Variants in SORT1 observed in about 807,000 individuals in gnomAD.
SORT1 encodes sortilin.
SORT1 carries 39 observed loss-of-function variants against 101.7 expected under a neutral mutation model. The ratio of observed to expected loss-of-function variants is 0.38; its 90% CI spans 0.30 to 0.50. SORT1 has a LOEUF of 0.50. SORT1 is among the 20% of genes least tolerant of loss of function. The probability of loss-of-function intolerance (pLI) is 0.90; values close to 1 mark genes in which losing one functional copy is unlikely to be tolerated. For missense variants in SORT1, 878 were observed against 1,040.4 expected (o/e 0.84, Z 2.15); for synonymous variants, 396 against 393.7 (o/e 1.01, Z -0.07).
At chr1:109,374,164 A>G (rs112522051) in intron 1 of SORT1, among the ~76,000 whole-genome samples, 199 of 152,342 alleles carry the variant, frequency 1.3e-3, no homozygotes, top group African/African-American at 4.5e-3. Context: ...AAATCAAACT[A>G]ACTCAGAAAT....
At chr1:109,318,340 G>C (rs939417202) in intron 15 of SORT1, among the ~76,000 whole-genome samples, 11 of 152,088 alleles carry the variant, frequency 7.2e-5, no homozygotes, top group African/African-American at 2.7e-4. Context: ...TTAGTAGAGA[G>C]AGCGTTTCAC....
chr1:109,382,629 C>T (rs1652313635), intron 1 of SORT1, among the ~76,000 whole-genome samples: 1 of 152,110 alleles, frequency 6.6e-6, no homozygotes, highest in South Asian at 2.1e-4. Context: ...AGCCTTTTGT[C>T]CATTACCTAT....
chr1:109,361,346 C>T (rs1307391121), intron 3 of SORT1, among the ~76,000 whole-genome samples: 1 of 152,216 alleles, frequency 6.6e-6, no homozygotes, highest in Non-Finnish European at 1.5e-5. Context: ...TTTTTCTCTA[C>T]TGTCCAACAA....
Position 109,397,859 on chromosome 1 carries a change from AGAG to A in SORT1, c.31_33del (p.Leu11del). 7.8e-7 allele frequency: 1 copy of A among 1,281,902 alleles called. No individual in the cohort carries two copies. Among genetic ancestry groups the A allele is most frequent in the Non-Finnish European group, 1.0e-6 (1 of 1,003,840 alleles). The allele number at this position is 1,281,902 out of a possible 1,614,324, so 79.4% of individuals were successfully genotyped here. On this transcript the variant is annotated inframe_deletion, in exon 1 of 20. Coordinates refer to ENST00000256637, the MANE Select transcript of SORT1 (RefSeq NM_002959.7). The stretch of plus-strand genomic sequence containing the variant: ...AGGCCGAGGCCATGGGGCCAGCGCG[AGAG>A]GCCGTCCGCAGCTCCCCAGGGCCGC...
chr1:109,392,363 A>G (rs1652967016), intron 1 of SORT1, among the ~76,000 whole-genome samples: 1 of 152,228 alleles, frequency 6.6e-6, no homozygotes, highest in East Asian at 1.9e-4. Flanking sequence ...CAGAGTGCAG[A>G]AGAAACTGCT....
intron 5 of SORT1, among the ~76,000 whole-genome samples, chr1:109,353,585 G>A (rs968272931): frequency 5.3e-5 from 8 of 152,046 alleles, no homozygotes; most frequent in African/African-American, 1.9e-4. Context: ...CAGCTGGGGA[G>A]CCTGCTAAAA....
At chr1:109,356,156 G>A (rs950756722) in intron 3 of SORT1, among the ~76,000 whole-genome samples, 2 of 152,340 alleles carry the variant, frequency 1.3e-5, no homozygotes, top group East Asian at 1.9e-4. Flanking sequence ...ACAGGCATGA[G>A]CCACTGTGCC....
intron 1 of SORT1, among the ~76,000 whole-genome samples, chr1:109,378,836 T>A (rs1316987039): frequency 6.8e-6 from 1 of 146,840 alleles, no homozygotes; most frequent in African/African-American, 2.5e-5. Flanking sequence ...ATGTTTTGTT[T>A]CTGGTAAACA....
intron 8 of SORT1, 81 bp downstream of exon 8, chr1:109,345,670 C>T: frequency 7.5e-7 from 1 of 1,334,308 alleles, no homozygotes; most frequent in Non-Finnish European, 1.0e-6. Context: ...GAAACTCTGT[C>T]AATGCCAAGT....
intron 11 of SORT1, among the ~76,000 whole-genome samples, chr1:109,331,893 A>G (rs1047020307): frequency 6.6e-6 from 1 of 151,820 alleles, no homozygotes; most frequent in African/African-American, 2.4e-5. Flanking sequence ...CAAACTATCC[A>G]AAAAAGAAAT....
intron 1 of SORT1, among the ~76,000 whole-genome samples, chr1:109,387,053 G>A (rs1652611259): frequency 6.6e-6 from 1 of 152,186 alleles, no homozygotes; most frequent in African/African-American, 2.4e-5. Flanking sequence ...CACTTTGGGA[G>A]GCTGAGGCAG....
At position 109,345,741 on chromosome 1, in the gene SORT1, CA is replaced by C; in HGVS notation, c.963+9del. On this transcript the variant is annotated intron_variant, in intron 8 of 19. Transcript: ENST00000256637. Reference sequence around the variant, plus strand: ...ATATCAGACCCCAAAGGGGAGAGGGCAATACCTACCTTATCAGCCATCACAG... The same window carrying C: ...ATATCAGACCCCAAAGGGGAGAGGGCATACCTACCTTATCAGCCATCACAG... 1 of 1,610,588 alleles carries C rather than the reference CA, an allele frequency of 6.2e-7. No homozygotes were observed. Among genetic ancestry groups the C allele is most frequent in the Non-Finnish European group, 8.5e-7 (1 of 1,178,626 alleles).
chr1:109,333,544 A>G (rs1648599144), intron 11 of SORT1, among the ~76,000 whole-genome samples: 1 of 152,184 alleles, frequency 6.6e-6, no homozygotes, highest in African/African-American at 2.4e-5. Context: ...ATCCAAACAA[A>G]TCAGTAGCAA....
At chr1:109,323,547 AAG>A (rs1647782006) in intron 14 of SORT1, among the ~76,000 whole-genome samples, 1 of 152,260 alleles carries the variant, frequency 6.6e-6, no homozygotes, top group African/African-American at 2.4e-5. Flanking sequence ...CTAATTAGCC[AAG>A]AGCACAGGTT....
chr1:109,397,730 C>T lies in SORT1; in HGVS notation c.163G>A (p.Gly55Arg), dbSNP rs1653281199. The change falls in exon 1 of 20, where the codon GGG becomes AGG. Residue 55 changes from glycine (G) to arginine (R), a missense_variant. Physicochemically the swap from Gly to Arg is moderately radical, Grantham distance 125 (BLOSUM62 -2). This residue lies in a region of SORT1 where 194 missense variants were observed against 145.9 expected (regional missense o/e 1.33). Coordinates refer to ENST00000256637, the MANE Select transcript of SORT1 (RefSeq NM_002959.7). ...APLPRWSGPI[G>R]VSWGLRAAAA... ...GCCGCCCGCAGCCCCCAGCTCACCC[C>T]GATGGGGCCAGACCAGCGCGGCAGC... 8.4e-7 allele frequency: 1 copy of T among 1,188,982 alleles called. No individual in the cohort carries two copies. 73.7% of individuals were successfully genotyped at this position (1,188,982 alleles called of 1,614,324 possible).
intron 1 of SORT1, among the ~76,000 whole-genome samples, chr1:109,394,957 C>T (rs1375395891): frequency 6.6e-6 from 1 of 152,068 alleles, no homozygotes; most frequent in Non-Finnish European, 1.5e-5. Flanking sequence ...TTTTATTTCA[C>T]ACTGTTTTAT....
intron 1 of SORT1, among the ~76,000 whole-genome samples, chr1:109,376,317 G>GAACCCGGGAGGCGGAGCTTGCAGT: frequency 1.4e-5 from 2 of 142,950 alleles, no homozygotes; most frequent in South Asian, 2.4e-4. Context: ...GGCAACAGAG[G>GAACCCGGGAGGCGGAGCTTGCAGT]GAGACTCCAT....
chr1:109,381,787 C>CCAGATA (rs1284836802), intron 1 of SORT1, among the ~76,000 whole-genome samples: 3 of 151,962 alleles, frequency 2.0e-5, no homozygotes, highest in Non-Finnish European at 4.4e-5. Flanking sequence ...CTGTTTGAGC[C>CCAGATA]CAGGAGGTCA....
At chr1:109,366,839 G>C (rs1315474632) in intron 3 of SORT1, 1 of 152,240 alleles carries the variant, frequency 6.6e-6, no homozygotes, top group African/African-American at 2.4e-5. Context: ...TTGAGCCTGG[G>C]AGGGAGAGGT....
Sources: allele counts gnomAD v4.1 joint callset (sites outside exome capture counted in the v4.1 genomes callset), GRCh38; gene constraint gnomAD v4.1.1; regional missense constraint gnomAD v4.1.1; transcripts MANE v1.5; gene names NCBI Gene and HGNC (gene_info 2026-07-23, HGNC 2026-07-21).